Variants in RFX3 observed in about 807,000 individuals in gnomAD.
RFX3 encodes the protein transcription factor RFX3.
In RFX3, 14 loss-of-function variants were observed where a neutral mutation model predicts 98.6. That is an observed-to-expected ratio of 0.14 (90% confidence interval 0.09 to 0.22). The LOEUF is 0.22. RFX3 is among the 10% of genes least tolerant of loss of function. The pLI, the probability that RFX3 is intolerant of heterozygous loss-of-function variation, is 1.00. For missense variants in RFX3, 639 were observed against 926.9 expected (o/e 0.69, Z 4.03); for synonymous variants, 383 against 328.4 (o/e 1.17, Z -1.80).
chr9:3,248,334 C>A, intron 14 of RFX3, 149 bp from the exon 15 acceptor site: 1 of 955,176 alleles, frequency 1.0e-6, no homozygotes, highest in Non-Finnish European at 1.5e-6. Flanking sequence ...CATTATTGAA[C>A]GCAGTTGCAA....
chr9:3,239,543 T>C (rs138182282), intron 15 of RFX3, among the ~76,000 whole-genome samples: 5 of 152,322 alleles, frequency 3.3e-5, no homozygotes, highest in African/African-American at 9.6e-5. Flanking sequence ...CTTGGGGACA[T>C]AGCAACAGGT....
At chr9:3,420,177 C>T (rs1327000802) in intron 1 of RFX3, among the ~76,000 whole-genome samples, 1 of 152,174 alleles carries the variant, frequency 6.6e-6, no homozygotes, top group Non-Finnish European at 1.5e-5. Flanking sequence ...TGCCTTCTTC[C>T]AGATTTTTGC....
At chr9:3,252,487 T>C (rs1045975735) in intron 14 of RFX3, among the ~76,000 whole-genome samples, 2 of 152,106 alleles carry the variant, frequency 1.3e-5, no homozygotes, top group Admixed American at 6.5e-5. Flanking sequence ...AGAAACTGGA[T>C]TGAAGTGAGG....
rs761696289 is a variant in RFX3, at chr9:3,222,940, T to C, written c.*2102A>G. 6.6e-6 allele frequency: 1 copy of C among 152,192 alleles called. No individual in the cohort carries two copies. Among genetic ancestry groups the C allele is most frequent in the Non-Finnish European group, 1.5e-5 (1 of 68,038 alleles). The allele number at this position is 152,192 out of a possible 1,614,324, so 9.4% of individuals were successfully genotyped here. On this transcript the variant is annotated 3_prime_UTR_variant, in exon 17 of 17. Coordinates refer to ENST00000617270, the MANE Select transcript of RFX3 (RefSeq NM_001282116.2). The stretch of plus-strand genomic sequence containing the variant: ...AAATATTTAAATTTTACTTAAGAAA[T>C]GTTGTTGATGTTATTTGAGTAGTCT...
intron 1 of RFX3, among the ~76,000 whole-genome samples, chr9:3,467,117 TAC>T (rs375887243): frequency 3.2e-4 from 44 of 138,948 alleles, no homozygotes; most frequent in African/African-American, 9.2e-4. Flanking sequence ...TGTATATACA[TAC>T]ATATATGTAA....
At chr9:3,400,243 G>C in intron 1 of RFX3, 1 of 980,350 alleles carries the variant, frequency 1.0e-6, no homozygotes, top group Non-Finnish European at 1.2e-6. Flanking sequence ...TTTAGAATGA[G>C]ACAGGAAGAA....
At chr9:3,410,248 T>A (rs992782514) in intron 1 of RFX3, among the ~76,000 whole-genome samples, 6 of 146,472 alleles carry the variant, frequency 4.1e-5, no homozygotes, top group Non-Finnish European at 6.0e-5. Context: ...CTTTATATTC[T>A]ATAGGAATTC....
In RFX3 at chr9:3,221,580, AAGACTTATAC is replaced by A. The variant is rs1248341888; in HGVS notation, c.*3452_*3461del. On this transcript the variant is annotated 3_prime_UTR_variant, in exon 17 of 17. Coordinates refer to ENST00000617270, the MANE Select transcript of RFX3 (RefSeq NM_001282116.2). ...GAAAGCAGATTTCTGAAAAGGCAGT[AAGACTTATAC>A]AGTCAGTCCAAACACAGTTTGGATG... 6.6e-6 allele frequency: 1 copy of A among 152,202 alleles called. No homozygotes were observed. The highest frequency in any genetic ancestry group is 1.9e-4 in the East Asian group (1 of 5,200). The allele number at this position is 152,202 out of a possible 1,614,324, so 9.4% of individuals were successfully genotyped here. A position where few individuals can be genotyped will look rare whatever the true frequency, so the allele number is the denominator to read the frequency against.
intron 12 of RFX3, among the ~76,000 whole-genome samples, chr9:3,265,208 T>G (rs888898646): frequency 6.6e-6 from 1 of 152,142 alleles, no homozygotes; most frequent in East Asian, 1.9e-4. Flanking sequence ...AGGAGCTAGT[T>G]TTTTCATTTC....
At chr9:3,337,929 A>G (rs1292058492) in intron 3 of RFX3, among the ~76,000 whole-genome samples, 1 of 152,194 alleles carries the variant, frequency 6.6e-6, no homozygotes, top group African/African-American at 2.4e-5. Context: ...GGAATCTTCA[A>G]CAAAGTGCAT....
intron 1 of RFX3, among the ~76,000 whole-genome samples, chr9:3,402,396 A>G (rs1357630407): frequency 6.6e-6 from 1 of 152,132 alleles, no homozygotes; most frequent in East Asian, 1.9e-4. Context: ...GAAAGACAAA[A>G]GGTGCTAGTT....
intron 1 of RFX3, among the ~76,000 whole-genome samples, chr9:3,524,956 C>A (rs974335677): frequency 1.3e-5 from 2 of 151,168 alleles, no homozygotes; most frequent in Non-Finnish European, 2.9e-5. Flanking sequence ...AACGAACAGG[C>A]CCCAGGTTTC....
intron 14 of RFX3, among the ~76,000 whole-genome samples, chr9:3,252,946 A>T (rs1163235157): frequency 6.6e-6 from 1 of 152,214 alleles, no homozygotes; most frequent in Admixed American, 6.5e-5. Flanking sequence ...TCTCTGTGTC[A>T]GGCCTCCGCT....
chr9:3,352,411 T>C (rs971886646), intron 2 of RFX3, among the ~76,000 whole-genome samples: 1 of 152,038 alleles, frequency 6.6e-6, no homozygotes, highest in African/African-American at 2.4e-5. Flanking sequence ...TCTTTTATTC[T>C]GCATATTTAT....
intron 1 of RFX3, among the ~76,000 whole-genome samples, chr9:3,444,586 TATACCACAACAA>T (rs1347390414): frequency 6.6e-6 from 1 of 152,172 alleles, no homozygotes; most frequent in Admixed American, 6.6e-5. Flanking sequence ...GTATGCCAAA[TATACCACAACAA>T]AGCTGTTTTT....
chr9:3,464,334 C>T (rs988700223), intron 1 of RFX3, among the ~76,000 whole-genome samples: 1 of 152,176 alleles, frequency 6.6e-6, no homozygotes, highest in African/African-American at 2.4e-5. Context: ...TATTGCATAA[C>T]ACTGTGTTTG....
At chr9:3,440,551 C>T (rs1845525699) in intron 1 of RFX3, among the ~76,000 whole-genome samples, 1 of 152,068 alleles carries the variant, frequency 6.6e-6, no homozygotes, top group African/African-American at 2.4e-5. Context: ...AAGATCTATA[C>T]ACTGAAAACT....
At chr9:3,514,881 T>C (rs1359029898) in intron 1 of RFX3, among the ~76,000 whole-genome samples, 1 of 152,216 alleles carries the variant, frequency 6.6e-6, no homozygotes, top group Non-Finnish European at 1.5e-5. Context: ...TATTGTGCTT[T>C]TAAAGTTGTA....
intron 1 of RFX3, among the ~76,000 whole-genome samples, chr9:3,468,240 T>C (rs1404024701): frequency 1.3e-5 from 2 of 152,272 alleles, no homozygotes; most frequent in South Asian, 2.1e-4. Flanking sequence ...AGAGACACAA[T>C]TTGATCTAAA....
Sources: allele counts gnomAD v4.1 joint callset (sites outside exome capture counted in the v4.1 genomes callset), GRCh38; gene constraint gnomAD v4.1.1; transcripts MANE v1.5; gene names NCBI Gene and HGNC (gene_info 2026-07-23, HGNC 2026-07-21).